The following DCUN1D4 variants were observed in gnomAD, a reference collection of about 807,000 sequenced individuals.
DCUN1D4 encodes the protein defective in cullin neddylation 1 domain containing 4.
Under a neutral mutation model 47.9 loss-of-function variants are expected in DCUN1D4, and 22 were observed. The ratio of observed to expected loss-of-function variants is 0.46; its 90% CI spans 0.33 to 0.66. The LOEUF (loss-of-function observed/expected upper bound fraction) is 0.66, where lower values mean the gene tolerates loss of function less well. DCUN1D4 is among the 30% of genes least tolerant of loss of function. The pLI, the probability that DCUN1D4 is intolerant of heterozygous loss-of-function variation, is 0.02. For synonymous variants in DCUN1D4, 121 were observed against 112.2 expected (o/e 1.08, Z -0.50); for missense variants, 301 against 340.8 (o/e 0.88, Z 0.92).
chr4:51,863,531 A>G (rs1347416638), intron 2 of DCUN1D4, 24 bp downstream of exon 2: 1 of 1,599,222 alleles, frequency 6.3e-7, no homozygotes, highest in Admixed American at 1.7e-5. Flanking sequence ...TTAAAGACAA[A>G]ATTACCAACT....
intron 1 of DCUN1D4, among the ~76,000 whole-genome samples, chr4:51,851,312 G>GC (rs1723326416): frequency 2.6e-5 from 4 of 152,170 alleles, no homozygotes; most frequent in Admixed American, 1.3e-4. Context: ...TTAGATGGAT[G>GC]CCCCGGGGGC....
At chr4:51,861,484 T>C (rs1161619717) in intron 1 of DCUN1D4, among the ~76,000 whole-genome samples, 3 of 152,212 alleles carry the variant, frequency 2.0e-5, no homozygotes, top group Non-Finnish European at 4.4e-5. Context: ...GGGAGAAAGA[T>C]ATAACAGTTT....
At chr4:51,843,678 G>GCGAT in intron 1 of DCUN1D4, 3 of 1,248,322 alleles carry the variant, frequency 2.4e-6, no homozygotes, top group Non-Finnish European at 3.0e-6. Flanking sequence ...GAGCGAGCGA[G>GCGAT]CGGGGCACAA....
chr4:51,894,209 G>C (rs1730881866), intron 7 of DCUN1D4, among the ~76,000 whole-genome samples: 1 of 152,146 alleles, frequency 6.6e-6, no homozygotes, highest in Admixed American at 6.5e-5. Flanking sequence ...ATGAAACTCT[G>C]AAGTTGATGT....
At chr4:51,843,959 A>C (rs868589004) in intron 1 of DCUN1D4, among the ~76,000 whole-genome samples, 292 of 62,056 alleles carry the variant, frequency 4.7e-3, no homozygotes, top group Non-Finnish European at 7.2e-3. Flanking sequence ...GCGGGGCGGG[A>C]GGGGCGTTGG....
chr4:51,876,272 A>G (rs1342570322), intron 4 of DCUN1D4, among the ~76,000 whole-genome samples: 1 of 152,210 alleles, frequency 6.6e-6, no homozygotes, highest in East Asian at 1.9e-4. Flanking sequence ...TTGTAGGGAC[A>G]TGGATGAAGC....
intron 3 of DCUN1D4, among the ~76,000 whole-genome samples, chr4:51,868,855 C>T (rs1479097742): frequency 6.6e-6 from 1 of 152,110 alleles, no homozygotes; most frequent in Non-Finnish European, 1.5e-5. Flanking sequence ...TGTGGTGGCT[C>T]ACGCCTGTAA....
intron 3 of DCUN1D4, among the ~76,000 whole-genome samples, chr4:51,873,501 C>T (rs540066015): frequency 6.6e-6 from 1 of 152,320 alleles, no homozygotes; most frequent in South Asian, 2.1e-4. Flanking sequence ...CCCTCCGCCT[C>T]CGTTTTCTTA....
chr4:51,837,268 A>T, the DCUN1D4 span, among the ~76,000 whole-genome samples: 1 of 152,216 alleles, frequency 6.6e-6, no homozygotes, highest in Admixed American at 6.5e-5. Flanking sequence ...CATAAAATAA[A>T]AGGTCCTGAG....
At chr4:51,898,643 C>T (rs1263964693) in intron 7 of DCUN1D4, among the ~76,000 whole-genome samples, 2 of 152,192 alleles carry the variant, frequency 1.3e-5, no homozygotes, top group African/African-American at 4.8e-5. Flanking sequence ...TGATGAAGGA[C>T]ACACATCTTG....
At chr4:51,843,528 TGGG>T in intron 1 of DCUN1D4, 1 of 1,117,044 alleles carries the variant, frequency 9.0e-7, no homozygotes, top group Non-Finnish European at 1.1e-6. Context: ...CTTTCAGTGT[TGGG>T]GGAAGGGAGG....
At chr4:51,892,361 C>T in intron 7 of DCUN1D4, among the ~76,000 whole-genome samples, 1 of 152,136 alleles carries the variant, frequency 6.6e-6, no homozygotes, top group Non-Finnish European at 1.5e-5. Context: ...TTTGTATTAA[C>T]CACATTTCAA....
In DCUN1D4 at chr4:51,899,255, A is replaced by T. The variant is rs376925484; in HGVS notation, c.507-15A>T. 1.0e-5 allele frequency: 16 copies of T among 1,582,580 alleles called. No homozygotes were observed. In the African/African-American group the frequency reaches 1.4e-4, roughly 14 times the overall value. ...TGAACTCAGGTCATAATTTGCCTTT[A>T]TTCTGTTTTTCTAGATGTGATACAA... On this transcript the variant is annotated splice_polypyrimidine_tract_variant and intron_variant, in intron 7 of 10. Coordinates refer to ENST00000334635, the MANE Select transcript of DCUN1D4 (RefSeq NM_001040402.3).
chr4:51,843,190 C>T lies in DCUN1D4; in HGVS notation c.-53C>T. The T allele has an allele frequency of 5.9e-6, 9 of 1,534,946 alleles. No individual in the cohort carries two copies. Among genetic ancestry groups the T allele is most frequent in the East Asian group, 2.5e-5 (1 of 39,506 alleles). ...AGGTGCAGTGAGCTGGTGGGGGGAC[C>T]GCGAGGCGAGCGCGGGAGCCTGGGC... is the stretch of plus-strand genomic sequence containing the variant. On this transcript the variant is annotated 5_prime_UTR_variant, in exon 1 of 11. Transcript: ENST00000334635.
chr4:51,858,996 C>A (rs923919296), intron 1 of DCUN1D4, among the ~76,000 whole-genome samples: 1 of 152,298 alleles, frequency 6.6e-6, no homozygotes, highest in East Asian at 1.9e-4. Context: ...CATCCTCATT[C>A]TTTTTCAACA....
At chr4:51,889,825 T>C (rs1010093246) in intron 6 of DCUN1D4, among the ~76,000 whole-genome samples, 1 of 152,194 alleles carries the variant, frequency 6.6e-6, no homozygotes, top group African/African-American at 2.4e-5. Context: ...TTTGGGAAAT[T>C]CTTAGTAGCA....
chr4:51,867,750 C>G (rs993074286), intron 3 of DCUN1D4, among the ~76,000 whole-genome samples: 1 of 152,228 alleles, frequency 6.6e-6, no homozygotes, highest in Non-Finnish European at 1.5e-5. Context: ...CATAAGTTCT[C>G]ACTCTAGTCC....
At chr4:51,886,522 T>C in intron 5 of DCUN1D4, 46 bp from the exon 6 acceptor site, 1 of 1,529,598 alleles carries the variant, frequency 6.5e-7, no homozygotes, top group Non-Finnish European at 9.0e-7. Context: ...GGTAATAGTA[T>C]GGTGTGCATG....
intron 7 of DCUN1D4, among the ~76,000 whole-genome samples, chr4:51,894,044 G>A (rs1392081324): frequency 1.3e-5 from 2 of 152,168 alleles, no homozygotes; most frequent in Non-Finnish European, 2.9e-5. Context: ...TACTCCTTCA[G>A]GCTGTTTGTT....
Sources: allele counts gnomAD v4.1 joint callset (sites outside exome capture counted in the v4.1 genomes callset), GRCh38; gene constraint gnomAD v4.1.1; transcripts MANE v1.5; gene names NCBI Gene and HGNC (gene_info 2026-07-23, HGNC 2026-07-21).